CBX1: variants seen among roughly 807,000 people sequenced by gnomAD.
CBX1 encodes chromobox protein homolog 1.
Under a neutral mutation model 25.1 loss-of-function variants are expected in CBX1, and 10 were observed. The observed-to-expected ratio is 0.40, with a 90% CI of 0.25 to 0.68. The LOEUF (loss-of-function observed/expected upper bound fraction) is 0.68. Ranked by LOEUF, CBX1 falls within the 30% of genes least tolerant of loss-of-function variation. The pLI, the probability that CBX1 is intolerant of heterozygous loss-of-function variation, is 0.40. For synonymous variants in CBX1, 63 were observed against 79.4 expected (o/e 0.79, Z 1.10); for missense variants, 106 against 218.5 (o/e 0.49, Z 3.25).
At position 48,070,113 on chromosome 17, in the gene CBX1, C is replaced by T. The variant is rs1452654636; in HGVS notation, c.*1322G>A. 1 of 152,578 alleles carries T rather than the reference C, an allele frequency of 6.6e-6. No individual in the cohort carries two copies. Among genetic ancestry groups the T allele is most frequent in the Non-Finnish European group, 1.5e-5 (1 of 68,032 alleles). 9.5% of individuals were successfully genotyped at this position (152,578 alleles called of 1,614,324 possible). On this transcript the variant is annotated 3_prime_UTR_variant, in exon 5 of 5. Coordinates refer to ENST00000225603, the MANE Select transcript of CBX1 (RefSeq NM_001127228.2). Reference sequence around the variant, plus strand: ...AACTGACAATGTAGTATGAAGTTTACATTTAAACAAAGTTTACACAGAAAT... The same window carrying T: ...AACTGACAATGTAGTATGAAGTTTATATTTAAACAAAGTTTACACAGAAAT...
intron 1 of CBX1, chr17:48,100,668 G>T: frequency 1.1e-6 from 1 of 945,906 alleles, no homozygotes; most frequent in Non-Finnish European, 1.3e-6. Context: ...TCCCCTTCCA[G>T]AGTCAGGCCC....
At chr17:48,088,747 C>G (rs905574501) in intron 1 of CBX1, 1 of 152,174 alleles carries the variant, frequency 6.6e-6, no homozygotes, top group African/African-American at 2.4e-5. Flanking sequence ...TTCTCTGTAT[C>G]GTTCCAATTT....
chr17:48,101,198 C>T, intron 1 of CBX1, 70 bp downstream of exon 1: 1 of 989,962 alleles, frequency 1.0e-6, no homozygotes, highest in South Asian at 4.5e-5. Flanking sequence ...CGTTCCCTCA[C>T]GCAGGGCTCC....
At chr17:48,081,463 A>T (rs775797045) in intron 1 of CBX1, among the ~76,000 whole-genome samples, 1 of 152,140 alleles carries the variant, frequency 6.6e-6, no homozygotes, top group Non-Finnish European at 1.5e-5. Context: ...TTTGAGACAG[A>T]GTTTCGCTCT....
intron 1 of CBX1, among the ~76,000 whole-genome samples, chr17:48,077,440 T>G (rs2037686491): frequency 2.0e-5 from 2 of 101,514 alleles, no homozygotes; most frequent in African/African-American, 7.6e-5. Flanking sequence ...GTTGTTTTTT[T>G]TTTTGTTTTT....
chr17:48,085,707 T>C (rs940853574), intron 1 of CBX1, among the ~76,000 whole-genome samples: 1 of 152,164 alleles, frequency 6.6e-6, no homozygotes, highest in Non-Finnish European at 1.5e-5. Context: ...CTACATAGTG[T>C]AGAATTTTTT....
At chr17:48,087,884 A>AT (rs984546934) in intron 1 of CBX1, among the ~76,000 whole-genome samples, 2 of 151,712 alleles carry the variant, frequency 1.3e-5, no homozygotes, top group Non-Finnish European at 1.5e-5. Context: ...AAAAAAAAAA[A>AT]AAAAAAGAAA....
rs543123998 is a variant in CBX1 at position 48,100,137 on chromosome 17, C to CAAAAAAAA, written c.-38+1123_-38+1130dup. On this transcript the variant is annotated intron_variant, in intron 1 of 4. Coordinates refer to ENST00000225603, the MANE Select transcript of CBX1 (RefSeq NM_001127228.2). ...CTGGGCAACAGAGGAAGACTCTTCT[C>CAAAAAAAA]AAAAAAAAAAAAAAAAAGAGGTAAA... Among the ~76,000 whole-genome samples, 68 of 56,890 alleles carry CAAAAAAAA rather than the reference C, an allele frequency of 1.2e-3. 6 individuals carry two copies. Among genetic ancestry groups the CAAAAAAAA allele is most frequent in the South Asian group, 1.8e-3 (2 of 1,136 alleles). The allele number at this position is 56,890 out of a possible 152,430, so 37.3% of individuals were successfully genotyped here. A position where few individuals can be genotyped will look rare whatever the true frequency, so the allele number is the denominator to read the frequency against.
In CBX1 at chr17:48,078,565, C is replaced by T. The variant is rs140197728; in HGVS notation, c.-37-1524G>A. Among the ~76,000 whole-genome samples the T allele has an allele frequency of 2.2e-4, 33 of 152,118 alleles. No individual in the cohort carries two copies. In the East Asian group the frequency reaches 6.0e-3, roughly 28 times the overall value. On this transcript the variant is annotated intron_variant, in intron 1 of 4. Transcript: ENST00000225603. ...AGTGCAATGGTGTGATCTCAATTTA[C>T]TGCAACCTCTGCCTCCCGGGTTCAA...
intron 1 of CBX1, among the ~76,000 whole-genome samples, chr17:48,089,397 G>A (rs189567885): frequency 4.0e-5 from 6 of 150,464 alleles, no homozygotes; most frequent in African/African-American, 1.5e-4. Context: ...CACCGCGCCT[G>A]GCCAGGCATC....
chr17:48,100,600 C>T (rs1399775804), intron 1 of CBX1: 1 of 491,226 alleles, frequency 2.0e-6, no homozygotes, highest in Non-Finnish European at 2.6e-6. Context: ...CCCCTTTTTT[C>T]TTACATACCT....
At chr17:48,078,814 C>T (rs1233270935) in intron 1 of CBX1, among the ~76,000 whole-genome samples, 34 of 58,052 alleles carry the variant, frequency 5.9e-4, no homozygotes, top group African/African-American at 2.3e-3. Context: ...TTTTTTGAGA[C>T]GGAGTCTCAC....
intron 1 of CBX1, among the ~76,000 whole-genome samples, chr17:48,084,909 CACAAAAAAAA>C (rs1056280550): frequency 6.1e-5 from 9 of 148,062 alleles, no homozygotes; most frequent in African/African-American, 1.0e-4. Flanking sequence ...GACTCCGTCT[CACAAAAAAAA>C]ACAAAAAAAA....
intron 1 of CBX1, among the ~76,000 whole-genome samples, chr17:48,094,542 G>A (rs2063361938): frequency 6.6e-6 from 1 of 151,832 alleles, no homozygotes; most frequent in East Asian, 1.9e-4. Flanking sequence ...GACCAGCCCA[G>A]CAACATGGTG....
At chr17:48,101,123 G>T in intron 1 of CBX1, 145 bp downstream of exon 1, 1 of 986,468 alleles carries the variant, frequency 1.0e-6, no homozygotes, top group Non-Finnish European at 1.2e-6. Flanking sequence ...CTCAGCGCGG[G>T]AAGCGGAGAA....
chr17:48,090,763 C>A (rs148707691), intron 1 of CBX1, among the ~76,000 whole-genome samples: 2 of 152,340 alleles, frequency 1.3e-5, no homozygotes, highest in Non-Finnish European at 2.9e-5. Flanking sequence ...AATTCCTTCC[C>A]TAGAGCCCCA....
At chr17:48,079,587 G>A (rs2037712090) in intron 1 of CBX1, among the ~76,000 whole-genome samples, 1 of 151,760 alleles carries the variant, frequency 6.6e-6, no homozygotes, top group Admixed American at 6.6e-5. Context: ...TTGACCTCCT[G>A]GGCTCAAGTG....
In CBX1 at chr17:48,071,112, A is replaced by G; in HGVS notation, c.*323T>C. 1 of 191,624 alleles carries G rather than the reference A, an allele frequency of 5.2e-6. No homozygotes were observed. Among genetic ancestry groups the G allele is most frequent in the Non-Finnish European group, 1.1e-5 (1 of 92,804 alleles). 11.9% of individuals were successfully genotyped at this position (191,624 alleles called of 1,614,324 possible). A position where few individuals can be genotyped will look rare whatever the true frequency, so the allele number is the denominator to read the frequency against. ...TGGGTTGTGGAGATGCTCTTTGAAG[A>G]TCTACAGTATTTTTTTGCTCTCCCA... On this transcript the variant is annotated 3_prime_UTR_variant, in exon 5 of 5. Coordinates refer to ENST00000225603, the MANE Select transcript of CBX1 (RefSeq NM_001127228.2).
At chr17:48,097,439 A>AC (rs1404595184) in intron 1 of CBX1, among the ~76,000 whole-genome samples, 1 of 151,522 alleles carries the variant, frequency 6.6e-6, no homozygotes, top group Admixed American at 6.6e-5. Context: ...ACATGGCAAG[A>AC]CCCCCATCTC....
Sources: allele counts gnomAD v4.1 joint callset (sites outside exome capture counted in the v4.1 genomes callset), GRCh38; gene constraint gnomAD v4.1.1; transcripts MANE v1.5; gene names NCBI Gene and HGNC (gene_info 2026-07-23, HGNC 2026-07-21).